The following VCAN variants were observed in gnomAD, a reference collection of about 807,000 sequenced individuals.
The protein encoded by VCAN is versican core protein.
In VCAN, 44 loss-of-function variants were observed where a neutral mutation model predicts 245.5. That is an observed-to-expected ratio of 0.18 (90% CI 0.14 to 0.23). The LOEUF (loss-of-function observed/expected upper bound fraction) is 0.23. Ranked by LOEUF, VCAN falls within the 10% of genes least tolerant of loss-of-function variation. The probability of loss-of-function intolerance (pLI) is 1.00; values close to 1 mark genes in which losing one functional copy is unlikely to be tolerated. For synonymous variants in VCAN, 1,413 were observed against 1,437.0 expected, an observed-to-expected ratio of 0.98 and a Z score of 0.38; for missense variants, 3,793 against 4,057.9, an observed-to-expected ratio of 0.93 and a Z score of 1.77.
intron 8 of VCAN, among the ~76,000 whole-genome samples, chr5:83,543,203 T>C (rs570538698): frequency 3.3e-5 from 5 of 152,328 alleles, no homozygotes; most frequent in African/African-American, 1.2e-4. Flanking sequence ...TTGTAGAATT[T>C]ATTTTCCTCT....
In VCAN at chr5:83,540,842, T is replaced by C; in HGVS notation, c.7839T>C (p.Asn2613=). The C allele has an allele frequency of 6.2e-7, 1 of 1,614,008 alleles. No homozygotes were observed. The change falls in exon 8 of 15, where the codon AAT becomes AAC. Residue 2613 remains asparagine (N), a synonymous_variant. Coordinates refer to ENST00000265077, the MANE Select transcript of VCAN (RefSeq NM_004385.5). ...CACATGACAGTAATGATGAAAGTAA[T>C]GATGACAGCACTCAAGTTCAAGAGA... is the stretch of plus-strand genomic sequence containing the variant. ...SEPHDSNDES[N]DDSTQVQEIY...
Position 83,541,015 on chromosome 5 carries a change from C to A in VCAN, c.8012C>A (p.Thr2671Lys), listed in dbSNP as rs61733390. Reference sequence around the variant, plus strand: ...CTAGATCACATGGGCTTTCACTTCACAACTGGGATCCCTGCTCCTAGCACA... The same window carrying A: ...CTAGATCACATGGGCTTTCACTTCAAAACTGGGATCCCTGCTCCTAGCACA... ...SQLDHMGFHF[T>K]TGIPAPSTET... The change falls in exon 8 of 15, where the codon ACA (threonine) becomes AAA (lysine). Residue 2671 changes from threonine to lysine, a missense_variant. Coordinates refer to ENST00000265077, the MANE Select transcript of VCAN (RefSeq NM_004385.5). 1.6e-4 allele frequency: 257 copies of A among 1,614,100 alleles called. No individual in the cohort carries two copies. In the African/African-American group the frequency reaches 3.1e-3, roughly 19 times the overall value.
At chr5:83,549,492 C>T (rs13153507) in intron 10 of VCAN, among the ~76,000 whole-genome samples, 6 of 152,114 alleles carry the variant, frequency 3.9e-5, no homozygotes, top group Non-Finnish European at 7.4e-5. Context: ...GAAAAGTGAA[C>T]CTAAATGGCT....
At chr5:83,529,825 G>A (rs1251566934) in intron 7 of VCAN, among the ~76,000 whole-genome samples, 1 of 152,104 alleles carries the variant, frequency 6.6e-6, no homozygotes, top group Non-Finnish European at 1.5e-5. Flanking sequence ...CAAGCACAAT[G>A]CCTGATACAT....
At chr5:83,545,464 C>T (rs1330041381) in intron 8 of VCAN, 73 bp from the exon 9 acceptor site, 41 of 1,160,424 alleles carry the variant, frequency 3.5e-5, no homozygotes, top group Non-Finnish European at 5.0e-5. Context: ...CAATATGGGG[C>T]GTTTTATGCT....
At chr5:83,568,538 G>GC in intron 12 of VCAN, among the ~76,000 whole-genome samples, 1 of 152,274 alleles carries the variant, frequency 6.6e-6, no homozygotes, top group East Asian at 1.9e-4. Context: ...CACTTTAGTG[G>GC]CATGGAGTCC....
Position 83,520,103 on chromosome 5 carries a change from A to T in VCAN, c.1797A>T (p.Ser599=), listed in dbSNP as rs144875001. 4 of 1,613,988 alleles carry T rather than the reference A, an allele frequency of 2.5e-6. No individual in the cohort carries two copies. Among genetic ancestry groups the T allele is most frequent in the African/African-American group, 2.7e-5 (2 of 74,934 alleles). Residue 599 remains serine, a synonymous_variant, in exon 7 of 15, where the codon TCA becomes TCT. Transcript: ENST00000265077. ...ACACTCATTTAGAAGACTTGGAGTCAGTCTCAGCATCCACAACTGTTTCCC... is the reference window on the plus strand; with the variant it reads ...ACACTCATTTAGAAGACTTGGAGTCTGTCTCAGCATCCACAACTGTTTCCC... The part of the protein sequence containing the change: ...TIHTHLEDLE[S]VSASTTVSPL...
intron 7 of VCAN, chr5:83,534,198 A>G (rs1391778125): frequency 6.6e-6 from 1 of 152,090 alleles, no homozygotes; most frequent in Non-Finnish European, 1.5e-5. Flanking sequence ...TAAGAAGATC[A>G]TGAGATATGT....
Position 83,511,068 on chromosome 5 carries a change from C to T in VCAN, c.749-1035C>T, listed in dbSNP as rs190163839. ...GGTGTAGGTTGCAGTGAGCCCAGAT[C>T]GTGCCACTGCACTGCAGCCTGGGCT... On this transcript the variant is annotated intron_variant, in intron 5 of 14. Transcript: ENST00000265077. 3.3e-3 allele frequency among the ~76,000 whole-genome samples: 493 copies of T among 150,188 alleles called. 2 individuals are homozygous for T. Among genetic ancestry groups the T allele is most frequent in the African/African-American group, 0.011 (472 of 41,064 alleles).
intron 13 of VCAN, 31 bp downstream of exon 13, chr5:83,572,591 T>TA: frequency 6.2e-7 from 1 of 1,612,594 alleles, no homozygotes; most frequent in Non-Finnish European, 8.5e-7. Context: ...AATGTGTACT[T>TA]AATCTTCATT....
intron 5 of VCAN, among the ~76,000 whole-genome samples, chr5:83,494,600 G>T (rs1745098937): frequency 6.6e-6 from 1 of 152,130 alleles, no homozygotes; most frequent in Non-Finnish European, 1.5e-5. Flanking sequence ...GATTCTTAAA[G>T]ACAAATTTGA....
At chr5:83,474,284 G>A (rs1244717271) in intron 1 of VCAN, among the ~76,000 whole-genome samples, 1 of 152,146 alleles carries the variant, frequency 6.6e-6, no homozygotes, top group Non-Finnish European at 1.5e-5. Context: ...GGAGGAAAAG[G>A]AGAAAGGAAC....
At chr5:83,491,944 C>G (rs1222763321) in intron 3 of VCAN, among the ~76,000 whole-genome samples, 2 of 152,098 alleles carry the variant, frequency 1.3e-5, no homozygotes, top group Non-Finnish European at 2.9e-5. Context: ...TTTAAGCTAT[C>G]TCTTATATTC....
chr5:83,483,603 A>G lies in VCAN; in HGVS notation c.70+15A>G. ...GCTACATAAAGGTGAGTGTGCTAAC[A>G]ATTTCTTTGGTGTTAATTGAAATAA... is the stretch of plus-strand genomic sequence containing the variant. On this transcript the variant is annotated intron_variant, in intron 2 of 14. Coordinates refer to ENST00000265077, the MANE Select transcript of VCAN (RefSeq NM_004385.5). 6.2e-7 allele frequency: 1 copy of G among 1,610,422 alleles called. No homozygotes were observed. The highest frequency in any genetic ancestry group is 8.5e-7 in the Non-Finnish European group (1 of 1,176,902).
intron 7 of VCAN, among the ~76,000 whole-genome samples, chr5:83,529,118 T>G (rs1025430895): frequency 2.6e-5 from 4 of 151,730 alleles, no homozygotes; most frequent in African/African-American, 9.7e-5. Flanking sequence ...CTAACTACAT[T>G]AGAACTGGAT....
intron 10 of VCAN, 95 bp downstream of exon 10, chr5:83,548,179 AC>A: frequency 3.3e-6 from 3 of 901,800 alleles, no homozygotes; most frequent in Non-Finnish European, 5.5e-6. Flanking sequence ...GTGGAAATTC[AC>A]ATTTCCTTAG....
intron 12 of VCAN, among the ~76,000 whole-genome samples, chr5:83,559,610 A>G (rs560624508): frequency 6.6e-6 from 1 of 152,154 alleles, no homozygotes; most frequent in Admixed American, 6.6e-5. Flanking sequence ...GTCTCCTTCC[A>G]GGAAGCCTTC....
chr5:83,520,329 T>G lies in VCAN; in HGVS notation c.2023T>G (p.Ser675Ala). Residue 675 changes from serine to alanine, a missense_variant, in exon 7 of 15, where the codon TCT becomes GCT. Physicochemically the swap from Ser to Ala is moderately conservative, Grantham distance 99. Transcript: ENST00000265077. ...GGGAATTTCCACAGTTATTTATCCT[T>G]CTCTACAAACAGAAATGACACATAG... The part of the protein sequence containing the change: ...VEGISTVIYP[S>A]LQTEMTHRRE... 1 of 1,613,450 alleles carries G rather than the reference T, an allele frequency of 6.2e-7. No individual in the cohort carries two copies. Among genetic ancestry groups the G allele is most frequent in the African/African-American group, 1.3e-5 (1 of 74,956 alleles).
At chr5:83,561,422 C>A (rs1270297746) in intron 12 of VCAN, among the ~76,000 whole-genome samples, 1 of 151,754 alleles carries the variant, frequency 6.6e-6, no homozygotes, top group Non-Finnish European at 1.5e-5. Flanking sequence ...GTACAATTAA[C>A]CTTCATTACT....
Sources: gnomAD v4.1 joint callset for allele counts (sites outside exome capture counted in the v4.1 genomes callset) on GRCh38, gnomAD v4.1.1 for gene constraint, MANE v1.5 for transcripts, NCBI Gene and HGNC (gene_info 2026-07-23, HGNC 2026-07-21) for gene names.